MAP3K20: variants seen among roughly 807,000 people sequenced by gnomAD.
MAP3K20 encodes the protein HCCS-4.
In MAP3K20, 40 loss-of-function variants were observed where a neutral mutation model predicts 85.7. That is an observed-to-expected ratio of 0.47 (90% CI 0.36 to 0.61). The LOEUF is 0.61. Among genes scored for constraint, MAP3K20 ranks in the 20% least tolerant of loss-of-function variants. MAP3K20 has a pLI of 0.00. For synonymous variants in MAP3K20, 325 were observed against 327.7 expected (o/e 0.99, Z 0.09); for missense variants, 817 against 961.7 (o/e 0.85, Z 1.99).
intron 2 of MAP3K20, among the ~76,000 whole-genome samples, chr2:173,167,079 A>AT (rs1377236048): frequency 6.6e-5 from 10 of 150,586 alleles, no homozygotes; most frequent in East Asian, 3.9e-4. Flanking sequence ...CGCCCGGCTA[A>AT]TTTTTTTTTG....
chr2:173,139,508 T>C (rs1160339554), intron 2 of MAP3K20, among the ~76,000 whole-genome samples: 1 of 152,208 alleles, frequency 6.6e-6, no homozygotes, highest in Non-Finnish European at 1.5e-5. Flanking sequence ...AATGCTGTAA[T>C]ATGATTTTAA....
chr2:173,248,979 G>A (rs565847239), intron 16 of MAP3K20, among the ~76,000 whole-genome samples: 2 of 152,290 alleles, frequency 1.3e-5, no homozygotes, highest in South Asian at 4.2e-4. Flanking sequence ...GTCTCCTAAT[G>A]AATCCATTGT....
chr2:173,183,417 G>A (rs1392203206), intron 4 of MAP3K20, among the ~76,000 whole-genome samples: 1 of 152,058 alleles, frequency 6.6e-6, no homozygotes, highest in East Asian at 1.9e-4. Flanking sequence ...TATTTGTCCT[G>A]CCATGTAAAA....
rs1687282828 is a variant in MAP3K20 at position 173,091,041 on chromosome 2, C to T, written c.10C>T (p.Leu4Phe). Residue 4 changes from leucine (L) to phenylalanine (F), a missense_variant, in exon 2 of 20, where the codon CTC (leucine) becomes TTC (phenylalanine). Transcript: ENST00000375213. The part of the protein sequence containing the change: MSS[L>F]GASFVQIKFD... ...ACTTTGTCATTATGAGATGTCGTCT[C>T]TCGGTGCCTCCTTTGTGCAAATTAA... 1 of 1,612,080 alleles carries T rather than the reference C, an allele frequency of 6.2e-7. No homozygotes were observed. Among genetic ancestry groups the T allele is most frequent in the African/African-American group, 1.3e-5 (1 of 74,720 alleles).
intron 1 of MAP3K20, among the ~76,000 whole-genome samples, chr2:173,077,819 G>A (rs1186087436): frequency 1.3e-5 from 2 of 152,136 alleles, no homozygotes; most frequent in African/African-American, 2.4e-5. Flanking sequence ...TTAAACACTC[G>A]GACTTGGATC....
At chr2:173,087,858 TC>T (rs1687184819) in intron 1 of MAP3K20, among the ~76,000 whole-genome samples, 1 of 141,614 alleles carries the variant, frequency 7.1e-6, no homozygotes, top group African/African-American at 2.7e-5. Flanking sequence ...GATATGTGTG[TC>T]ATCAAAACAA....
intron 11 of MAP3K20, chr2:173,226,854 T>G: frequency 9.1e-6 from 9 of 985,030 alleles, no homozygotes; most frequent in Non-Finnish European, 1.1e-5. Flanking sequence ...GCATTATCAC[T>G]TTATTGTTTT....
Position 173,198,664 on chromosome 2 carries a change from A to G in MAP3K20, c.669+552A>G, listed in dbSNP as rs1690930752. On this transcript the variant is annotated intron_variant, in intron 8 of 19. Transcript: ENST00000375213. The surrounding 1 kb of genome is among the most constrained non-coding windows in gnomAD (Gnocchi z 5.8). Reference sequence around the variant, plus strand: ...ACACTACATTGAAGATGAGCTCCTCACTGGAATTGGCGAGGCAGTGGCATA... The same window carrying G: ...ACACTACATTGAAGATGAGCTCCTCGCTGGAATTGGCGAGGCAGTGGCATA... 1 of 152,660 alleles carries G rather than the reference A, an allele frequency of 6.6e-6. No homozygotes were observed. Among genetic ancestry groups the G allele is most frequent in the African/African-American group, 2.4e-5 (1 of 41,462 alleles). 9.5% of individuals were successfully genotyped at this position (152,660 alleles called of 1,614,324 possible). A position where few individuals can be genotyped will look rare whatever the true frequency, so the allele number is the denominator to read the frequency against.
chr2:173,159,280 A>G (rs193176570), intron 2 of MAP3K20, among the ~76,000 whole-genome samples: 133 of 151,542 alleles, frequency 8.8e-4, no homozygotes, highest in African/African-American at 3.1e-3. Flanking sequence ...TTTGACAGAA[A>G]GCCGACTGAA....
At chr2:173,262,142 A>C (rs552385468) in intron 18 of MAP3K20, among the ~76,000 whole-genome samples, 1 of 152,256 alleles carries the variant, frequency 6.6e-6, no homozygotes, top group Non-Finnish European at 1.5e-5. Context: ...GTTGAAGTCA[A>C]TTCCATGTTT....
intron 16 of MAP3K20, among the ~76,000 whole-genome samples, chr2:173,252,836 T>C (rs1685069683): frequency 6.6e-6 from 1 of 152,232 alleles, no homozygotes; most frequent in Non-Finnish European, 1.5e-5. Flanking sequence ...CTGCCAATCA[T>C]ACACAATACC....
chr2:173,210,713 C>T, intron 10 of MAP3K20: 1 of 152,192 alleles, frequency 6.6e-6, no homozygotes, highest in South Asian at 2.1e-4. Context: ...CCCCCCCTGA[C>T]TCAGCGGAGA....
intron 10 of MAP3K20, among the ~76,000 whole-genome samples, chr2:173,213,873 T>C (rs898299918): frequency 4.0e-5 from 6 of 150,894 alleles, no homozygotes; most frequent in African/African-American, 1.2e-4. Flanking sequence ...AAAAGAATTA[T>C]ATGTTTTTAT....
intron 3 of MAP3K20, among the ~76,000 whole-genome samples, chr2:173,170,205 T>G (rs1283869547): frequency 6.6e-6 from 1 of 152,188 alleles, no homozygotes; most frequent in Non-Finnish European, 1.5e-5. Context: ...ATGAAACATG[T>G]TTTTTGTAAC....
chr2:173,187,817 C>T (rs957081245), intron 5 of MAP3K20, among the ~76,000 whole-genome samples, 194 bp downstream of exon 5: 1 of 152,186 alleles, frequency 6.6e-6, no homozygotes, highest in Non-Finnish European at 1.5e-5. Flanking sequence ...TAGTATTTCA[C>T]TGTATAAATA....
intron 16 of MAP3K20, among the ~76,000 whole-genome samples, chr2:173,241,266 T>TG (rs1228322407): frequency 6.6e-6 from 1 of 152,158 alleles, no homozygotes; most frequent in Non-Finnish European, 1.5e-5. Context: ...AATGAGGTAA[T>TG]GGATGCCCTC....
At chr2:173,189,799 C>G (rs1177507228) in intron 5 of MAP3K20, among the ~76,000 whole-genome samples, 1 of 152,110 alleles carries the variant, frequency 6.6e-6, no homozygotes, top group African/African-American at 2.4e-5. Context: ...GCTTCCTTCT[C>G]CCCCAATATC....
At chr2:173,099,351 A>G (rs1687563326) in intron 2 of MAP3K20, among the ~76,000 whole-genome samples, 1 of 129,202 alleles carries the variant, frequency 7.7e-6, no homozygotes. Context: ...TTTTTTTGAG[A>G]CAGGGTCTCC....
At chr2:173,114,887 C>T (rs1006806729) in intron 2 of MAP3K20, among the ~76,000 whole-genome samples, 11 of 152,132 alleles carry the variant, frequency 7.2e-5, no homozygotes, top group African/African-American at 2.4e-4. Context: ...AGCACCTAGG[C>T]GAAGATCTTT....
Sources: gnomAD v4.1 joint callset for allele counts (sites outside exome capture counted in the v4.1 genomes callset) on GRCh38, gnomAD v4.1.1 for gene constraint, Gnocchi (gnomAD v3.1) non-coding constraint, MANE v1.5 for transcripts, NCBI Gene and HGNC (gene_info 2026-07-23, HGNC 2026-07-21) for gene names.